SYT1: variants seen among roughly 807,000 people sequenced by gnomAD.
The protein encoded by SYT1 is synaptotagmin 1.
Under a neutral mutation model 44.8 loss-of-function variants are expected in SYT1, and 8 were observed. That is an observed-to-expected ratio of 0.18 (90% confidence interval 0.10 to 0.32). The LOEUF (loss-of-function observed/expected upper bound fraction) is 0.32, where lower values mean the gene tolerates loss of function less well. Ranked by LOEUF, SYT1 falls within the 10% of genes least tolerant of loss-of-function variation. The pLI is 1.00. For synonymous variants in SYT1, 154 were observed against 188.8 expected (o/e 0.82, Z 1.51); for missense variants, 286 against 509.3 (o/e 0.56, Z 4.22).
intron 3 of SYT1, among the ~76,000 whole-genome samples, chr12:79,096,511 C>T (rs1228502687): frequency 2.6e-5 from 4 of 152,090 alleles, no homozygotes; most frequent in Middle Eastern, 3.4e-3. Flanking sequence ...CCAGAAGATA[C>T]GTTTCTTAAC....
At position 79,319,464 on chromosome 12, in the gene SYT1, T is replaced by C. The variant is rs572844226; in HGVS notation, c.810+19913T>C. On this transcript the variant is annotated intron_variant, in intron 8 of 10. Coordinates refer to ENST00000261205, the MANE Select transcript of SYT1 (RefSeq NM_005639.3). ...TCAGAATTTTGTCTGACCATAAGGT[T>C]CTTATCCATCATGTTAAATTTACTC... 2.6e-5 allele frequency among the ~76,000 whole-genome samples: 4 copies of C among 152,312 alleles called. No individual in the cohort carries two copies. The South Asian group carries it at 6.2e-4, about 24-fold the overall frequency.
intron 9 of SYT1, among the ~76,000 whole-genome samples, chr12:79,354,675 C>T (rs1390241110): frequency 6.6e-6 from 1 of 152,090 alleles, no homozygotes; most frequent in Non-Finnish European, 1.5e-5. Flanking sequence ...TAATAACTTG[C>T]TGTTTTTATT....
At chr12:79,145,590 C>T (rs972033682) in intron 3 of SYT1, among the ~76,000 whole-genome samples, 1 of 152,102 alleles carries the variant, frequency 6.6e-6, no homozygotes, top group Non-Finnish European at 1.5e-5. Context: ...GACAACAACC[C>T]AATGAGATTG....
intron 6 of SYT1, among the ~76,000 whole-genome samples, chr12:79,293,433 C>A (rs1048003611): frequency 6.7e-6 from 1 of 149,280 alleles, no homozygotes; most frequent in Non-Finnish European, 1.5e-5. Flanking sequence ...AAGACATAGC[C>A]CTTCTCCAAG....
chr12:78,964,152 T>C (rs1288425192), intron 1 of SYT1: 2 of 152,090 alleles, frequency 1.3e-5, no homozygotes, highest in Non-Finnish European at 2.9e-5. Context: ...GGCACAAAGG[T>C]AAGTCCCAAA....
chr12:79,410,506 C>CAAAAAAAAAAAAAAAAAAAAAA (rs5799432), intron 9 of SYT1, among the ~76,000 whole-genome samples: 1 of 75,916 alleles, frequency 1.3e-5, no homozygotes. Context: ...TGTTCAAAGT[C>CAAAAAAAAAAAAAAAAAAAAAA]AAAAAAAAAA....
chr12:79,419,347 T>A (rs2136151572), intron 9 of SYT1: 1 of 483,336 alleles, frequency 2.1e-6, no homozygotes, highest in East Asian at 6.0e-5. Context: ...ACCTTGCTTT[T>A]CTTCTCCTTC....
At chr12:79,014,603 C>T (rs541229310) in intron 2 of SYT1, among the ~76,000 whole-genome samples, 2 of 152,198 alleles carry the variant, frequency 1.3e-5, no homozygotes, top group East Asian at 3.9e-4. Context: ...AACACTTTTA[C>T]ACTGTTGGTG....
chr12:79,116,042 GTC>G (rs1341988694), intron 3 of SYT1, among the ~76,000 whole-genome samples: 3 of 152,176 alleles, frequency 2.0e-5, no homozygotes, highest in Non-Finnish European at 4.4e-5. Context: ...ACCTGGTTCT[GTC>G]ACTAACTAGC....
intron 9 of SYT1, among the ~76,000 whole-genome samples, chr12:79,355,355 A>T (rs1367357874): frequency 1.3e-5 from 2 of 152,244 alleles, no homozygotes; most frequent in Non-Finnish European, 2.9e-5. Context: ...GCCAAAGGTC[A>T]TACCTAATTT....
intron 3 of SYT1, among the ~76,000 whole-genome samples, chr12:79,082,593 G>T (rs1405709710): frequency 6.6e-6 from 1 of 152,168 alleles, no homozygotes; most frequent in African/African-American, 2.4e-5. Flanking sequence ...AAGTTGAGCA[G>T]TGATGGAAAA....
intron 2 of SYT1, among the ~76,000 whole-genome samples, chr12:79,041,103 G>A (rs1051589761): frequency 1.3e-5 from 2 of 152,108 alleles, no homozygotes; most frequent in African/African-American, 4.8e-5. Context: ...ACTTGGCAAT[G>A]CGGGCTCTTT....
At chr12:79,110,264 A>AT (rs1878940796) in intron 3 of SYT1, among the ~76,000 whole-genome samples, 1 of 152,132 alleles carries the variant, frequency 6.6e-6, no homozygotes, top group African/African-American at 2.4e-5. Flanking sequence ...GAAAAAAAAA[A>AT]GTGAGCTGAC....
At chr12:79,065,891 A>G (rs2137873316) in intron 3 of SYT1, among the ~76,000 whole-genome samples, 1 of 152,282 alleles carries the variant, frequency 6.6e-6, no homozygotes, top group South Asian at 2.1e-4. Context: ...TAAAAGATTA[A>G]AAATTACGGG....
chr12:79,073,168 A>G (rs1384619061), intron 3 of SYT1, among the ~76,000 whole-genome samples: 1 of 152,072 alleles, frequency 6.6e-6, no homozygotes, highest in Non-Finnish European at 1.5e-5. Context: ...GTGGTGCCAT[A>G]ATAGCTCACT....
intron 9 of SYT1, among the ~76,000 whole-genome samples, chr12:79,406,123 A>G (rs1885235553): frequency 6.6e-6 from 1 of 152,156 alleles, no homozygotes; most frequent in South Asian, 2.1e-4. Flanking sequence ...ATTCTGTCAT[A>G]AGAACAAGAA....
chr12:79,229,120 A>G (rs1386198279), intron 4 of SYT1, among the ~76,000 whole-genome samples: 3 of 152,210 alleles, frequency 2.0e-5, no homozygotes, highest in Non-Finnish European at 4.4e-5. Flanking sequence ...CAAAGGCATT[A>G]ATCAAATCCA....
intron 2 of SYT1, among the ~76,000 whole-genome samples, chr12:78,996,934 A>C (rs775221075): frequency 6.6e-6 from 1 of 152,206 alleles, no homozygotes; most frequent in Non-Finnish European, 1.5e-5. Flanking sequence ...CATGTGAGCT[A>C]ATCTCAGTGA....
intron 3 of SYT1, among the ~76,000 whole-genome samples, chr12:79,116,890 C>T (rs180715110): frequency 1.3e-5 from 2 of 152,148 alleles, no homozygotes; most frequent in African/African-American, 2.4e-5. Context: ...CTCCTCTCCC[C>T]CTCCAGTGAG....
Sources: gnomAD v4.1 joint callset for allele counts (sites outside exome capture counted in the v4.1 genomes callset) on GRCh38, gnomAD v4.1.1 for gene constraint, MANE v1.5 for transcripts, NCBI Gene and HGNC (gene_info 2026-07-23, HGNC 2026-07-21) for gene names.